RFC4: variants seen among roughly 807,000 people sequenced by gnomAD.
RFC4 encodes the protein A1 37 kDa subunit.
Under a neutral mutation model 47.6 loss-of-function variants are expected in RFC4, and 38 were observed. The observed-to-expected ratio is 0.80, with a 90% CI of 0.62 to 1.05. The LOEUF (loss-of-function observed/expected upper bound fraction) is 1.05. Among genes scored for constraint, RFC4 ranks in the 50% least tolerant of loss-of-function variants. RFC4 has a pLI of 0.00. For missense variants in RFC4, 489 were observed against 434.0 expected (o/e 1.13, Z -1.13); for synonymous variants, 164 against 150.0 (o/e 1.09, Z -0.68).
At chr3:186,794,829 C>A (rs762420531) in intron 4 of RFC4, 52 bp from the exon 5 acceptor site, 1 of 1,595,956 alleles carries the variant, frequency 6.3e-7, no homozygotes, top group South Asian at 1.1e-5. Context: ...AGGCTTAAAT[C>A]ACATTTTAAC....
At position 186,790,071 on chromosome 3, in the gene RFC4, G is replaced by GAAAAATTTAA; in HGVS notation, c.997-17_997-8dup. ...CTAGGCATTTGTCAACTTCCTACGA[G>GAAAAATTTAA]AAAAATTTAAGAAATTAGCATCCTT... On this transcript the variant is annotated splice_polypyrimidine_tract_variant and splice_region_variant and intron_variant, in intron 10 of 10. Transcript: ENST00000296273. The GAAAAATTTAA allele has an allele frequency of 6.2e-7, 1 of 1,612,378 alleles. No homozygotes were observed. Among genetic ancestry groups the GAAAAATTTAA allele is most frequent in the Non-Finnish European group, 8.5e-7 (1 of 1,178,626 alleles).
intron 2 of RFC4, 39 bp downstream of exon 2, chr3:186,804,544 A>C (rs1435978726): frequency 6.2e-7 from 1 of 1,604,116 alleles, no homozygotes; most frequent in Admixed American, 1.7e-5. Context: ...TAGAGAGATA[A>C]TTTATGAATT....
intron 2 of RFC4, among the ~76,000 whole-genome samples, chr3:186,802,341 A>AG (rs1722376414): frequency 6.6e-6 from 1 of 152,136 alleles, no homozygotes; most frequent in Non-Finnish European, 1.5e-5. Context: ...AAAAAAAAAA[A>AG]GCATTGTTCC....
intron 4 of RFC4, among the ~76,000 whole-genome samples, chr3:186,795,263 T>C (rs1722219893): frequency 6.6e-6 from 1 of 152,214 alleles, no homozygotes; most frequent in Non-Finnish European, 1.5e-5. Flanking sequence ...AATGTTGGGA[T>C]TACAGGTGTG....
At position 186,790,316 on chromosome 3, in the gene RFC4, C is replaced by G. The variant is rs376957271; in HGVS notation, c.882+10G>C. On this transcript the variant is annotated intron_variant, in intron 9 of 10. Coordinates refer to ENST00000296273, the MANE Select transcript of RFC4 (RefSeq NM_002916.5). The stretch of plus-strand genomic sequence containing the variant: ...TATTCCTTTCCCCAAAGTTAGTAAG[C>G]TGACTTTACCTTGACCACAGCTTCT... 1.5e-5 allele frequency: 25 copies of G among 1,613,146 alleles called. No individual in the cohort carries two copies. Among genetic ancestry groups the G allele is most frequent in the Non-Finnish European group, 2.0e-5 (23 of 1,179,270 alleles).
chr3:186,792,828 C>G lies in RFC4; in HGVS notation c.530G>C (p.Cys177Ser). The change falls in exon 6 of 11, where the codon TGT becomes TCT. Residue 177 changes from cysteine (C) to serine (S), a missense_variant. Cys to Ser is a moderately radical substitution (Grantham distance 112, BLOSUM62 -1). Transcript: ENST00000296273. ...CCGACTGACATAGTTACAGATAAGA[C>G]AGAATCGGGTGGTTTTCGACTCCTT... Reference protein sequence around the residue: ...MEKESKTTRFCLICNYVSRII... With the variant: ...MEKESKTTRFSLICNYVSRII... 6.2e-7 allele frequency: 1 copy of G among 1,613,690 alleles called. No homozygotes were observed. Among genetic ancestry groups the G allele is most frequent in the Non-Finnish European group, 8.5e-7 (1 of 1,179,894 alleles).
intron 3 of RFC4, 115 bp downstream of exon 3, chr3:186,801,002 C>A: frequency 1.4e-6 from 1 of 724,614 alleles, no homozygotes; most frequent in Non-Finnish European, 2.4e-6. Flanking sequence ...TATCAAGGAC[C>A]TACTGTACAC....
intron 8 of RFC4, among the ~76,000 whole-genome samples, 186 bp from the exon 9 acceptor site, chr3:186,790,592 A>G (rs559178217): frequency 9.9e-5 from 15 of 152,282 alleles, no homozygotes; most frequent in African/African-American, 3.4e-4. Context: ...CCAAGGTGCT[A>G]ACAACTGTGC....
intron 3 of RFC4, 58 bp from the exon 4 acceptor site, chr3:186,797,672 G>T (rs1006367084): frequency 2.4e-6 from 3 of 1,230,198 alleles, no homozygotes; most frequent in Admixed American, 1.9e-5. Flanking sequence ...TAGATGAAAA[G>T]GAAGATCGAA....
intron 10 of RFC4, 37 bp downstream of exon 10, chr3:186,790,105 T>TA: frequency 1.2e-6 from 2 of 1,604,102 alleles, no homozygotes; most frequent in African/African-American, 2.7e-5. Context: ...TTCAGGTAGT[T>TA]AAATGTTCCA....
intron 7 of RFC4, 132 bp from the exon 8 acceptor site, chr3:186,791,982 G>A: frequency 1.3e-6 from 1 of 759,744 alleles, no homozygotes; most frequent in South Asian, 1.9e-5. Flanking sequence ...TTTCTGTTTT[G>A]GGAGAAAATA....
chr3:186,802,299 C>T (rs1434675511), intron 2 of RFC4, among the ~76,000 whole-genome samples: 1 of 151,604 alleles, frequency 6.6e-6, no homozygotes, highest in Admixed American at 6.6e-5. Flanking sequence ...GCACTTCAGC[C>T]TGGGCGACAG....
At chr3:186,802,189 T>G (rs1371471204) in intron 2 of RFC4, among the ~76,000 whole-genome samples, 3 of 151,914 alleles carry the variant, frequency 2.0e-5, no homozygotes, top group East Asian at 1.9e-4. Flanking sequence ...CCCGTCTGTA[T>G]TAAAAATACA....
chr3:186,804,690 T>G lies in RFC4; in HGVS notation c.24A>C (p.Thr8=). 1 of 1,613,496 alleles carries G rather than the reference T, an allele frequency of 6.2e-7. No homozygotes were observed. The highest frequency in any genetic ancestry group is 8.5e-7 in the Non-Finnish European group (1 of 1,179,716). The change falls in exon 2 of 11, where the codon ACA becomes ACC. Residue 8 remains threonine (T), a synonymous_variant. Coordinates refer to ENST00000296273, the MANE Select transcript of RFC4 (RefSeq NM_002916.5). ...TCAGCGGGGGTTTAGTACTGATGGATGTACCTTTAAGAAATGCTTGCATGG... is the reference window on the plus strand; with the variant it reads ...TCAGCGGGGGTTTAGTACTGATGGAGGTACCTTTAAGAAATGCTTGCATGG... MQAFLKG[T]SISTKPPLTK... is the part of the protein sequence containing the mutation.
intron 7 of RFC4, 37 bp downstream of exon 7, chr3:186,792,453 A>G: frequency 1.9e-6 from 3 of 1,580,372 alleles, no homozygotes; most frequent in Non-Finnish European, 2.6e-6. Flanking sequence ...CATCAAAGGA[A>G]TTAGTAACTC....
rs753433321 is a variant in RFC4, at chr3:186,793,266, A to G, written c.411-319T>C. Among the ~76,000 whole-genome samples, 3 of 152,218 alleles carry G rather than the reference A, an allele frequency of 2.0e-5. No individual in the cohort carries two copies. Among genetic ancestry groups the G allele is most frequent in the Admixed American group, 6.5e-5 (1 of 15,292 alleles). On this transcript the variant is annotated intron_variant, in intron 5 of 10. Transcript: ENST00000296273. This position sits in a 1 kb window ranked among gnomAD's most constrained non-coding sequence, Gnocchi z 4.2. The stretch of plus-strand genomic sequence containing the variant: ...GATATGAATGGAACATATAATATGC[A>G]GTCTTTTGTGGCTGACTTCTTCCAC...
At chr3:186,801,931 G>A (rs1189791067) in intron 2 of RFC4, among the ~76,000 whole-genome samples, 1 of 149,588 alleles carries the variant, frequency 6.7e-6, no homozygotes, top group African/African-American at 2.5e-5. Flanking sequence ...GCTGAGGAAG[G>A]AGAAGCGCTT....
At chr3:186,792,724 G>A (rs2108468569) in intron 6 of RFC4, 80 bp downstream of exon 6, 3 of 1,554,720 alleles carry the variant, frequency 1.9e-6, no homozygotes, top group East Asian at 4.5e-5. Context: ...ATGTAGCCTT[G>A]AAAATCCTAA....
chr3:186,790,339 T>G lies in RFC4; in HGVS notation c.869A>C (p.Glu290Ala), dbSNP rs772195384. The G allele has an allele frequency of 2.0e-5, 33 of 1,613,718 alleles. No individual in the cohort carries two copies. The highest frequency in any genetic ancestry group is 2.6e-5 in the Non-Finnish European group (31 of 1,179,728). Reference sequence around the variant, plus strand: ...AGCTGACTTTACCTTGACCACAGCTTCTAGTTTGTCAAAAGAGCCACTCTG... The same window carrying G: ...AGCTGACTTTACCTTGACCACAGCTGCTAGTTTGTCAAAAGAGCCACTCTG... ...ACQSGSFDKLEAVVKDLIDEG... is the reference protein window; with the variant it reads ...ACQSGSFDKLAAVVKDLIDEG... Residue 290 changes from glutamate to alanine, a missense_variant, in exon 9 of 11, where the codon GAA (glutamate) becomes GCA (alanine). By Grantham distance (107) the Glu-to-Ala change is moderately radical. Around this residue, in one of 2 missense-constraint regions of RFC4, gnomAD observed 283 missense variants for 176.2 expected, o/e 1.61. Coordinates refer to ENST00000296273, the MANE Select transcript of RFC4 (RefSeq NM_002916.5).
Sources: allele counts gnomAD v4.1 joint callset (sites outside exome capture counted in the v4.1 genomes callset), GRCh38; gene constraint gnomAD v4.1.1; regional missense constraint gnomAD v4.1.1; non-coding constraint Gnocchi (gnomAD v3.1); transcripts MANE v1.5; gene names NCBI Gene and HGNC (gene_info 2026-07-23, HGNC 2026-07-21).